CCDC30: variants seen among roughly 807,000 people sequenced by gnomAD.
The protein encoded by CCDC30 is coiled-coil domain containing 30.
In CCDC30, 70 loss-of-function variants were observed where a neutral mutation model predicts 100.2. The ratio of observed to expected loss-of-function variants is 0.70; its 90% CI spans 0.58 to 0.85. The LOEUF (loss-of-function observed/expected upper bound fraction) is 0.85, where lower values mean the gene tolerates loss of function less well. CCDC30 is among the 40% of genes least tolerant of loss of function. The pLI is 0.00. For missense variants in CCDC30, 652 were observed against 771.2 expected, an observed-to-expected ratio of 0.85 and a Z score of 1.83; for synonymous variants, 233 against 269.5, an observed-to-expected ratio of 0.86 and a Z score of 1.33.
chr1:42,486,851 T>C (rs1265609452), intron 3 of CCDC30, among the ~76,000 whole-genome samples: 1 of 152,126 alleles, frequency 6.6e-6, no homozygotes, highest in Non-Finnish European at 1.5e-5. Context: ...AAGGAAGTAC[T>C]TACACCTGCT....
the CCDC30 span, chr1:42,457,505 A>G: frequency 1.5e-5 from 10 of 655,458 alleles, no homozygotes; most frequent in African/African-American, 9.1e-5. Flanking sequence ...GGACCTCACA[A>G]TCTAGTGAGG....
At chr1:42,622,014 ATTCT>A (rs1290519402) in intron 11 of CCDC30, among the ~76,000 whole-genome samples, 11 of 152,286 alleles carry the variant, frequency 7.2e-5, no homozygotes, top group East Asian at 3.9e-4. Flanking sequence ...AGTCTTATTC[ATTCT>A]TTATTTTTTA....
chr1:42,460,438 A>T, upstream of CCDC30: 2 of 959,344 alleles, frequency 2.1e-6, no homozygotes, highest in Non-Finnish European at 2.5e-6. Context: ...TTTGAAATTT[A>T]TCAAATATAG....
chr1:42,578,252 TAAAG>T (rs1441081907), intron 8 of CCDC30, among the ~76,000 whole-genome samples: 1 of 152,164 alleles, frequency 6.6e-6, no homozygotes, highest in Non-Finnish European at 1.5e-5. Context: ...AATGTTGAGT[TAAAG>T]AAACCAGAAC....
At chr1:42,509,120 T>C (rs1644439724) in intron 6 of CCDC30, among the ~76,000 whole-genome samples, 1 of 152,184 alleles carries the variant, frequency 6.6e-6, no homozygotes, top group South Asian at 2.1e-4. Flanking sequence ...AAACCTTCAT[T>C]GCAAAACTGT....
At chr1:42,502,482 G>C (rs1053501636) in intron 6 of CCDC30, among the ~76,000 whole-genome samples, 1 of 152,208 alleles carries the variant, frequency 6.6e-6, no homozygotes, top group Non-Finnish European at 1.5e-5. Flanking sequence ...TGCACCCACT[G>C]TCTGAGAAGC....
At chr1:42,570,291 A>C (rs1405649901) in intron 7 of CCDC30, among the ~76,000 whole-genome samples, 3 of 151,842 alleles carry the variant, frequency 2.0e-5, no homozygotes, top group Admixed American at 1.3e-4. Context: ...ACACCACTGC[A>C]CTCCAGCCTG....
At chr1:42,460,282 C>G (rs1158065710), upstream of CCDC30, 4 of 1,010,954 alleles carry the variant, frequency 4.0e-6, no homozygotes, top group African/African-American at 6.9e-5. Context: ...TGGTTGAATG[C>G]CTATGTATGT....
intron 11 of CCDC30, among the ~76,000 whole-genome samples, chr1:42,625,413 T>A (rs1482646303): frequency 1.3e-5 from 2 of 152,150 alleles, no homozygotes; most frequent in Non-Finnish European, 2.9e-5. Flanking sequence ...TTCTACTAAT[T>A]TGGGATTTCA....
intron 1 of CCDC30, among the ~76,000 whole-genome samples, chr1:42,470,761 T>C (rs1643744613): frequency 6.6e-6 from 1 of 152,172 alleles, no homozygotes; most frequent in Non-Finnish European, 1.5e-5. Flanking sequence ...GGCAGGTTTA[T>C]AGAGACAGAA....
intron 6 of CCDC30, among the ~76,000 whole-genome samples, chr1:42,518,109 C>A (rs1288777812): frequency 6.6e-6 from 1 of 152,120 alleles, no homozygotes; most frequent in Non-Finnish European, 1.5e-5. Flanking sequence ...ACATGAATGT[C>A]TTTCCATTTA....
intron 7 of CCDC30, among the ~76,000 whole-genome samples, chr1:42,572,179 C>G (rs1336479333): frequency 6.6e-6 from 1 of 152,208 alleles, no homozygotes; most frequent in African/African-American, 2.4e-5. Context: ...ACTCTTGGAA[C>G]TGTCAGACGT....
chr1:42,618,296 G>A (rs1457488280), intron 11 of CCDC30, among the ~76,000 whole-genome samples: 4 of 146,822 alleles, frequency 2.7e-5, no homozygotes, highest in Non-Finnish European at 5.9e-5. Context: ...GAGTGCAGTG[G>A]TGCCATCTCA....
chr1:42,636,566 T>G (rs989578559), intron 11 of CCDC30, among the ~76,000 whole-genome samples: 1 of 151,706 alleles, frequency 6.6e-6, no homozygotes, highest in Admixed American at 6.6e-5. Context: ...GGAACAGGAG[T>G]CAGAATTTAG....
intron 6 of CCDC30, 55 bp downstream of exon 8, chr1:42,539,365 A>G: frequency 6.8e-7 from 1 of 1,463,170 alleles, no homozygotes; most frequent in African/African-American, 1.4e-5. Context: ...TTTTATGAGG[A>G]TAGGTTAAAA....
chr1:42,585,225 G>C (rs1646045091), intron 9 of CCDC30, among the ~76,000 whole-genome samples: 1 of 152,108 alleles, frequency 6.6e-6, no homozygotes, highest in South Asian at 2.1e-4. Flanking sequence ...CATGGAGTTA[G>C]TAGTGGTGGC....
Position 42,537,744 on chromosome 1 carries a change from C to T in CCDC30, c.457-28552C>T, listed in dbSNP as rs181522690. 5.7e-3 allele frequency: 909 copies of T among 159,164 alleles called. 8 individuals carry two copies. The highest frequency in any genetic ancestry group is 0.021 in the African/African-American group (833 of 40,096). The allele number at this position is 159,164 out of a possible 1,614,324, so 9.9% of individuals were successfully genotyped here. A position where few individuals can be genotyped will look rare whatever the true frequency, so the allele number is the denominator to read the frequency against. On this transcript the variant is annotated intron_variant, in intron 6 of 16. Coordinates refer to ENST00000668663, the Ensembl canonical transcript of CCDC30. ...CAGCACTTTGGGAGGCCAAGGTGGG[C>T]GGATCACCTGAGGTCAGGAGTTCGA...
intron 6 of CCDC30, among the ~76,000 whole-genome samples, chr1:42,514,973 C>T (rs1044836498): frequency 1.3e-5 from 2 of 152,082 alleles, no homozygotes; most frequent in Non-Finnish European, 2.9e-5. Context: ...TGAATTGTGT[C>T]CTGTACCCTG....
rs142027280 is a variant in CCDC30, at chr1:42,581,560, T to C, written c.1001+46T>C. The C allele has an allele frequency of 3.7e-4, 579 of 1,552,368 alleles. 3 individuals carry two copies. The African/African-American group carries it at 6.7e-3, about 18-fold the overall frequency. ...AGTTTCCTGTGGGTTTAGCCATGAC[T>C]GAGTTAATCAGCAATATCAATTTTT... On this transcript the variant is annotated intron_variant, in intron 9 of 16. Transcript: ENST00000668663.
Sources: allele counts gnomAD v4.1 joint callset (sites outside exome capture counted in the v4.1 genomes callset), GRCh38; gene constraint gnomAD v4.1.1; transcripts MANE v1.5; gene names NCBI Gene and HGNC (gene_info 2026-07-23, HGNC 2026-07-21).